Variants in MYOCD observed in about 807,000 individuals in gnomAD.
MYOCD encodes myocardin.
A neutral mutation model predicts 96.1 loss-of-function variants in MYOCD; 32 were observed. The observed-to-expected ratio is 0.33, with a 90% CI of 0.25 to 0.45. The LOEUF is 0.45. MYOCD is among the 20% of genes least tolerant of loss of function. The probability of loss-of-function intolerance (pLI) is 1.00; values close to 1 mark genes in which losing one functional copy is unlikely to be tolerated. For synonymous variants in MYOCD, 469 were observed against 469.0 expected, an observed-to-expected ratio of 1.00 and a Z score of 0.00; for missense variants, 1,133 against 1,200.6, an observed-to-expected ratio of 0.94 and a Z score of 0.83.
At chr17:12,722,356 G>A (rs2031863684) in intron 4 of MYOCD, among the ~76,000 whole-genome samples, 1 of 152,156 alleles carries the variant, frequency 6.6e-6, no homozygotes, top group Non-Finnish European at 1.5e-5. Context: ...TGTTTCAATG[G>A]AATTTTTTTT....
intron 4 of MYOCD, 143 bp downstream of exon 4, chr17:12,717,564 A>G: frequency 1.5e-6 from 1 of 687,274 alleles, no homozygotes; most frequent in African/African-American, 1.8e-5. Flanking sequence ...GTAATCATCT[A>G]AGCCTTCTAG....
chr17:12,710,473 G>C lies in MYOCD; in HGVS notation c.122-5046G>C, dbSNP rs1031316837. Reference sequence around the variant, plus strand: ...ATACAATGAGCTGTCTATGAATGGTGCTGCCTTTATTTTTTTTGCAGACTA... The same window carrying C: ...ATACAATGAGCTGTCTATGAATGGTCCTGCCTTTATTTTTTTTGCAGACTA... On this transcript the variant is annotated intron_variant, in intron 2 of 13. Transcript: ENST00000425538. The C allele has an allele frequency of 1.0e-5, 10 of 975,828 alleles. No individual in the cohort carries two copies. The African/African-American group carries it at 1.8e-4, about 17-fold the overall frequency. The allele number at this position is 975,828 out of a possible 1,614,324, so 60.4% of individuals were successfully genotyped here.
At position 12,752,770 on chromosome 17, in the gene MYOCD, G is replaced by T; in HGVS notation, c.1482G>T (p.Glu494Asp). The T allele has an allele frequency of 1.2e-6, 2 of 1,614,116 alleles. No homozygotes were observed. The highest frequency in any genetic ancestry group is 1.7e-6 in the Non-Finnish European group (2 of 1,180,034). ...LHPSPVHVCTEESLMSSLNGG... is the reference protein window; with the variant it reads ...LHPSPVHVCTDESLMSSLNGG... The stretch of plus-strand genomic sequence containing the variant: ...CGTCCCCAGTCCACGTGTGCACGGA[G>T]GAAAGTCTCATGAGCAGCCTGAATG... The change falls in exon 10 of 14, where the codon GAG becomes GAT. Residue 494 changes from glutamate to aspartate, a missense_variant. By Grantham distance (45) the Glu-to-Asp change is conservative. Transcript: ENST00000425538.
At chr17:12,747,877 A>G (rs2032713160) in intron 9 of MYOCD, among the ~76,000 whole-genome samples, 1 of 151,974 alleles carries the variant, frequency 6.6e-6, no homozygotes, top group South Asian at 2.1e-4. Flanking sequence ...TAAAAAAAAA[A>G]AAAACTGGCT....
chr17:12,722,782 A>C, intron 4 of MYOCD, 65 bp from the exon 5 acceptor site: 1 of 1,422,202 alleles, frequency 7.0e-7, no homozygotes, highest in Non-Finnish European at 9.6e-7. Flanking sequence ...CAAGCCAAAA[A>C]ACAAAAAAGA....
chr17:12,721,611 TG>T (rs1383510966), intron 4 of MYOCD, among the ~76,000 whole-genome samples: 1 of 152,208 alleles, frequency 6.6e-6, no homozygotes, highest in Non-Finnish European at 1.5e-5. Context: ...ATGGTAGATT[TG>T]GGCTGGAGAG....
intron 5 of MYOCD, among the ~76,000 whole-genome samples, chr17:12,729,718 C>T (rs1006350409): frequency 2.6e-5 from 4 of 152,008 alleles, no homozygotes; most frequent in Non-Finnish European, 2.9e-5. Flanking sequence ...ATTACAGGTG[C>T]GTGGCACCAC....
At chr17:12,732,341 G>A (rs2032199377) in intron 5 of MYOCD, among the ~76,000 whole-genome samples, 2 of 151,934 alleles carry the variant, frequency 1.3e-5, no homozygotes, top group South Asian at 2.1e-4. Context: ...TCGTCCACAC[G>A]CCCCATCCTT....
chr17:12,711,924 C>CTT (rs11388469), intron 2 of MYOCD, among the ~76,000 whole-genome samples: 86 of 134,804 alleles, frequency 6.4e-4, no homozygotes, highest in Middle Eastern at 3.9e-3. Context: ...TTTCTTTTTT[C>CTT]TTTTTTTTTT....
chr17:12,741,738 A>G (rs1461296011), intron 7 of MYOCD, among the ~76,000 whole-genome samples: 1 of 151,706 alleles, frequency 6.6e-6, no homozygotes, highest in East Asian at 1.9e-4. Context: ...AAATTAGCAA[A>G]GCCTTCAACC....
chr17:12,760,278 A>C, intron 12 of MYOCD: 1 of 266,630 alleles, frequency 3.8e-6, no homozygotes, highest in Non-Finnish European at 7.4e-6. Flanking sequence ...ATTCGCTTCT[A>C]TGAGGGACTT....
chr17:12,680,172 TG>T (rs1910366085), intron 1 of MYOCD, among the ~76,000 whole-genome samples: 1 of 152,138 alleles, frequency 6.6e-6, no homozygotes, highest in Non-Finnish European at 1.5e-5. Context: ...AGAACTTCTT[TG>T]CCTCATAAAA....
intron 1 of MYOCD, among the ~76,000 whole-genome samples, chr17:12,689,023 A>C (rs1227693885): frequency 6.6e-6 from 1 of 152,204 alleles, no homozygotes; most frequent in African/African-American, 2.4e-5. Context: ...TGTTCTTAAA[A>C]TTAAAAAATA....
At chr17:12,698,612 A>G (rs185324456) in intron 1 of MYOCD, among the ~76,000 whole-genome samples, 63 of 152,324 alleles carry the variant, frequency 4.1e-4, no homozygotes, top group Admixed American at 3.3e-3. Context: ...CAATCTTTAT[A>G]ACTGAAAAAT....
Position 12,712,189 on chromosome 17 carries a change from A to G in MYOCD, c.122-3330A>G, listed in dbSNP as rs563190566. ...AATTGGAATTTCTAACGTGTTCCCA[A>G]TTGCTGAAGATGCTGGTCCGGAAGC... On this transcript the variant is annotated intron_variant, in intron 2 of 13. Coordinates refer to ENST00000425538, the MANE Select transcript of MYOCD (RefSeq NM_001146312.3). Among the ~76,000 whole-genome samples the G allele has an allele frequency of 2.6e-5, 4 of 152,080 alleles. No individual in the cohort carries two copies. In the East Asian group the frequency reaches 5.8e-4, roughly 22 times the overall value.
At chr17:12,752,039 T>C (rs1260922317) in intron 9 of MYOCD, among the ~76,000 whole-genome samples, 3 of 152,126 alleles carry the variant, frequency 2.0e-5, no homozygotes, top group Non-Finnish European at 4.4e-5. Flanking sequence ...GACTTTGCTG[T>C]ACTTCAAGAC....
chr17:12,721,080 A>ATT (rs536104845), intron 4 of MYOCD, among the ~76,000 whole-genome samples: 2 of 145,796 alleles, frequency 1.4e-5, no homozygotes, highest in African/African-American at 5.0e-5. Flanking sequence ...TGAAGCCTTC[A>ATT]TTTTTTTTTG....
intron 6 of MYOCD, among the ~76,000 whole-genome samples, chr17:12,737,046 G>A (rs2032367115): frequency 1.3e-5 from 2 of 152,210 alleles, no homozygotes; most frequent in African/African-American, 2.4e-5. Flanking sequence ...CCTGAGATCA[G>A]GAGTGCAAGA....
Position 12,763,775 on chromosome 17 carries a change from C to A in MYOCD, c.*131C>A. 2 of 840,022 alleles carry A rather than the reference C, an allele frequency of 2.4e-6. No individual in the cohort carries two copies. The highest frequency in any genetic ancestry group is 3.5e-6 in the Non-Finnish European group (2 of 565,292). 52.0% of individuals were successfully genotyped at this position (840,022 alleles called of 1,614,324 possible). A position where few individuals can be genotyped will look rare whatever the true frequency, so the allele number is the denominator to read the frequency against. On this transcript the variant is annotated 3_prime_UTR_variant, in exon 14 of 14. Transcript: ENST00000425538. ...TAAAAAGAAGCAATGATTTCTGTGC[C>A]AATGAACAAGAACAAAAGTCATTTT...
Sources: gnomAD v4.1 joint callset for allele counts (sites outside exome capture counted in the v4.1 genomes callset) on GRCh38, gnomAD v4.1.1 for gene constraint, MANE v1.5 for transcripts, NCBI Gene and HGNC (gene_info 2026-07-23, HGNC 2026-07-21) for gene names.